Variants in RRAS observed in about 807,000 individuals in gnomAD.
The protein encoded by RRAS is ras-related protein R-Ras.
A neutral mutation model predicts 23.3 loss-of-function variants in RRAS; 18 were observed. The observed-to-expected ratio is 0.77, with a 90% CI of 0.53 to 1.15. The LOEUF (loss-of-function observed/expected upper bound fraction) is 1.15, where lower values mean the gene tolerates loss of function less well. RRAS is among the 50% of genes most tolerant of loss of function. The pLI, the probability that RRAS is intolerant of heterozygous loss-of-function variation, is 0.00. For synonymous variants in RRAS, 133 were observed against 138.3 expected (o/e 0.96, Z 0.27); for missense variants, 291 against 317.1 (o/e 0.92, Z 0.62).
In RRAS at chr19:49,635,317, TC is replaced by T. The variant is rs1260760305; in HGVS notation, c.*258del. 3.1e-6 allele frequency: 1 copy of T among 319,858 alleles called. No homozygotes were observed. The allele number at this position is 319,858 out of a possible 1,614,324, so 19.8% of individuals were successfully genotyped here. A position where few individuals can be genotyped will look rare whatever the true frequency, so the allele number is the denominator to read the frequency against. On this transcript the variant is annotated 3_prime_UTR_variant, in exon 6 of 6. Transcript: ENST00000246792. ...TGACGTTGGCAGTGACATTTATTTT[TC>T]TGGGGGAGGGGAGTTATATACAGCA...
rs1378718251 is a variant in RRAS at position 49,636,790 on chromosome 19, C to T, written c.344+34G>A. Reference sequence around the variant, plus strand: ...GCAGAGCCCAGGTCCTCCCCACACCCACCCACTGCTCCGCCACCAGCAACC... The same window carrying T: ...GCAGAGCCCAGGTCCTCCCCACACCTACCCACTGCTCCGCCACCAGCAACC... On this transcript the variant is annotated intron_variant, in intron 3 of 5. Transcript: ENST00000246792. This position sits in a 1 kb window ranked among gnomAD's most constrained non-coding sequence, Gnocchi z 4.5. 3.7e-6 allele frequency: 6 copies of T among 1,608,702 alleles called. No homozygotes were observed. The African/African-American group carries it at 4.0e-5, about 11-fold the overall frequency.
At position 49,637,169 on chromosome 19, in the gene RRAS, G is replaced by A. The variant is rs745393814; in HGVS notation, c.154-39C>T. 1.4e-5 allele frequency: 21 copies of A among 1,504,062 alleles called. No homozygotes were observed. The Admixed American group carries it at 2.2e-4, about 15-fold the overall frequency. 93.2% of individuals were successfully genotyped at this position (1,504,062 alleles called of 1,614,324 possible). On this transcript the variant is annotated intron_variant, in intron 1 of 5. Coordinates refer to ENST00000246792, the MANE Select transcript of RRAS (RefSeq NM_006270.5). The stretch of plus-strand genomic sequence containing the variant: ...GAGAGGATAGTTACTGCAGTGCCCC[G>A]GCAGACAGGACGAAGCCCTGCCCTT...
chr19:49,638,233 C>T (rs542822719), intron 1 of RRAS, among the ~76,000 whole-genome samples: 3 of 152,258 alleles, frequency 2.0e-5, no homozygotes, highest in Non-Finnish European at 2.9e-5. Flanking sequence ...GGGTCCTGCC[C>T]GCTGCCAGCC....
Position 49,635,394 on chromosome 19 carries a change from T to C in RRAS, c.*182A>G. The C allele has an allele frequency of 2.5e-6, 1 of 405,328 alleles. No homozygotes were observed. The highest frequency in any genetic ancestry group is 4.3e-6 in the Non-Finnish European group (1 of 230,304). 25.1% of individuals were successfully genotyped at this position (405,328 alleles called of 1,614,324 possible). ...CAGGCTTAGGTGGGGACAGGAGGCG[T>C]TGGCAGAAGGCACACAGTGGCAGTA... On this transcript the variant is annotated 3_prime_UTR_variant, in exon 6 of 6. Transcript: ENST00000246792.
At position 49,635,782 on chromosome 19, in the gene RRAS, A is replaced by T. The variant is rs1239295983; in HGVS notation, c.524T>A (p.Leu175Gln). 7.1e-7 allele frequency: 1 copy of T among 1,416,576 alleles called. No individual in the cohort carries two copies. Among genetic ancestry groups the T allele is most frequent in the East Asian group, 3.4e-5 (1 of 29,090 alleles). The allele number at this position is 1,416,576 out of a possible 1,614,324, so 87.8% of individuals were successfully genotyped here. A position where few individuals can be genotyped will look rare whatever the true frequency, so the allele number is the denominator to read the frequency against. Reference sequence around the variant, plus strand: ...AAAAGCCTCGTCCACGTTGAGACGCAGTTTGGCCGAGGCCTCAAAGTAGGC... The same window carrying T: ...AAAAGCCTCGTCCACGTTGAGACGCTGTTTGGCCGAGGCCTCAAAGTAGGC... ...HVAYFEASAK[L>Q]RLNVDEAFEQ... is the part of the protein sequence containing the mutation. The change falls in exon 5 of 6, where the codon CTG becomes CAG. Residue 175 changes from leucine to glutamine, a missense_variant. Physicochemically the swap from Leu to Gln is moderately radical, Grantham distance 113 (BLOSUM62 -2). Coordinates refer to ENST00000246792, the MANE Select transcript of RRAS (RefSeq NM_006270.5).
At chr19:49,639,880 C>T (rs948275444) in intron 1 of RRAS, 66 bp downstream of exon 1, 92 of 1,423,102 alleles carry the variant, frequency 6.5e-5, no homozygotes, top group Non-Finnish European at 8.2e-5. Context: ...AAAGGGGTCT[C>T]GGGGATCCCC....
intron 1 of RRAS, among the ~76,000 whole-genome samples, chr19:49,637,455 C>T (rs1251869895): frequency 1.3e-5 from 2 of 151,856 alleles, no homozygotes; most frequent in South Asian, 2.1e-4. Flanking sequence ...TACAGGCATG[C>T]GCCACCACAC....
chr19:49,636,848 A>T lies in RRAS; in HGVS notation c.320T>A (p.Val107Glu). ...YMRAGHGFLL[V>E]FAINDRQSFN... ...CCTCTGCCGGTCGTTAATGGCGAAC[A>T]CCAGCAGGAAGCCGTGGCCAGCACG... The change falls in exon 3 of 6, where the codon GTG becomes GAG. Residue 107 changes from valine (V) to glutamate (E), a missense_variant. Coordinates refer to ENST00000246792, the MANE Select transcript of RRAS (RefSeq NM_006270.5). This position sits in a 1 kb window ranked among gnomAD's most constrained non-coding sequence, Gnocchi z 4.5. 6.2e-7 allele frequency: 1 copy of T among 1,613,242 alleles called. No homozygotes were observed. The highest frequency in any genetic ancestry group is 8.5e-7 in the Non-Finnish European group (1 of 1,179,958).
rs1448242725 is a variant in RRAS at position 49,636,706 on chromosome 19, G to C, written c.366C>G (p.Leu122=). 2.5e-6 allele frequency: 4 copies of C among 1,614,142 alleles called. No individual in the cohort carries two copies. In the South Asian group the frequency reaches 4.4e-5, roughly 18 times the overall value. The change falls in exon 4 of 6, where the codon CTC becomes CTG. Residue 122 remains leucine, a synonymous_variant. Coordinates refer to ENST00000246792, the MANE Select transcript of RRAS (RefSeq NM_006270.5). This position sits in a 1 kb window ranked among gnomAD's most constrained non-coding sequence, Gnocchi z 4.5. ...CCTTGACCCGCAGAATCTGCGTGAA[G>C]AGCTTGCCCACCTCGTTGAAACTGC... ...DRQSFNEVGK[L]FTQILRVKDR...
Position 49,640,036 on chromosome 19 carries a change from G to C in RRAS, c.63C>G (p.Pro21=). The change falls in exon 1 of 6, where the codon CCC becomes CCG. Residue 21 remains proline, a synonymous_variant. Transcript: ENST00000246792. ...RGRPRGGGPG[P]GDPPPSETHK... ...GTGTCTCGCTGGGCGGGGGGTCCCC[G>C]GGCCCAGGTCCCCCGCCCCGGGGCC... 6.5e-7 allele frequency: 1 copy of C among 1,534,642 alleles called. No individual in the cohort carries two copies. Among genetic ancestry groups the C allele is most frequent in the South Asian group, 1.2e-5 (1 of 85,042 alleles).
At chr19:49,639,865 G>T in intron 1 of RRAS, 81 bp downstream of exon 1, 2 of 1,271,410 alleles carry the variant, frequency 1.6e-6, no homozygotes, top group Admixed American at 2.3e-5. Flanking sequence ...ATGGGTCAAG[G>T]GGGAAAAGGG....
At chr19:49,639,476 T>A (rs930866550) in intron 1 of RRAS, among the ~76,000 whole-genome samples, 1 of 144,658 alleles carries the variant, frequency 6.9e-6, no homozygotes, top group African/African-American at 2.6e-5. Flanking sequence ...TCGAACGTGG[T>A]GGAATCTCAA....
chr19:49,636,184 T>C lies in RRAS; in HGVS notation c.454-332A>G, dbSNP rs992602836. On this transcript the variant is annotated intron_variant, in intron 4 of 5. Coordinates refer to ENST00000246792, the MANE Select transcript of RRAS (RefSeq NM_006270.5). This position sits in a 1 kb window ranked among gnomAD's most constrained non-coding sequence, Gnocchi z 4.5. The stretch of plus-strand genomic sequence containing the variant: ...GCCTTTGCCAGATGGATGAGTTCTG[T>C]GTGGAAATCGTTGTGGGGGAAGTGA... 1.3e-5 allele frequency among the ~76,000 whole-genome samples: 2 copies of C among 151,074 alleles called. No individual in the cohort carries two copies. Among genetic ancestry groups the C allele is most frequent in the African/African-American group, 4.9e-5 (2 of 41,010 alleles).
chr19:49,636,565 G>T lies in RRAS; in HGVS notation c.453+54C>A. The T allele has an allele frequency of 7.8e-7, 1 of 1,281,088 alleles. No individual in the cohort carries two copies. 79.4% of individuals were successfully genotyped at this position (1,281,088 alleles called of 1,614,324 possible). A position where few individuals can be genotyped will look rare whatever the true frequency, so the allele number is the denominator to read the frequency against. On this transcript the variant is annotated intron_variant, in intron 4 of 5. Transcript: ENST00000246792. The surrounding 1 kb of genome is among the most constrained non-coding windows in gnomAD (Gnocchi z 4.5). ...GATGCTGATGGGGGACAGGTGTGCT[G>T]GAAGGAGCCTCCCAGACTGAGATGG...
chr19:49,635,859 G>GTACGGGGGGT lies in RRAS; in HGVS notation c.454-8_454-7insACCCCCCGTA. On this transcript the variant is annotated splice_polypyrimidine_tract_variant and splice_region_variant and intron_variant, in intron 4 of 5. Transcript: ENST00000246792. ...AGGCTTCTGATCGGGGGACCTGGGGGTAGGGGGGACACGGGGGAGTCAGGT... is the reference window on the plus strand; with the variant it reads ...AGGCTTCTGATCGGGGGACCTGGGGGTACGGGGGGTTAGGGGGGACACGGGGGAGTCAGGT... The GTACGGGGGGT allele has an allele frequency of 9.4e-7, 1 of 1,066,396 alleles. No homozygotes were observed. The highest frequency in any genetic ancestry group is 1.4e-6 in the Non-Finnish European group (1 of 716,154). The allele number at this position is 1,066,396 out of a possible 1,614,324, so 66.1% of individuals were successfully genotyped here. A position where few individuals can be genotyped will look rare whatever the true frequency, so the allele number is the denominator to read the frequency against.
Position 49,635,861 on chromosome 19 carries a change from A to AG in RRAS, c.454-10dup. On this transcript the variant is annotated splice_polypyrimidine_tract_variant and intron_variant, in intron 4 of 5. Transcript: ENST00000246792. ...GCTTCTGATCGGGGGACCTGGGGGT[A>AG]GGGGGGACACGGGGGAGTCAGGTCC... 9.5e-6 allele frequency: 4 copies of AG among 421,840 alleles called. No homozygotes were observed. Among genetic ancestry groups the AG allele is most frequent in the Admixed American group, 3.8e-5 (1 of 26,426 alleles). The allele number at this position is 421,840 out of a possible 1,614,324, so 26.1% of individuals were successfully genotyped here.
chr19:49,635,309 T>G lies in RRAS; in HGVS notation c.*267A>C. On this transcript the variant is annotated 3_prime_UTR_variant, in exon 6 of 6. Transcript: ENST00000246792. ...GCACCTCCTGACGTTGGCAGTGACA[T>G]TTATTTTTCTGGGGGAGGGGAGTTA... 8 of 295,258 alleles carry G rather than the reference T, an allele frequency of 2.7e-5. No homozygotes were observed. Among genetic ancestry groups the G allele is most frequent in the East Asian group, 5.4e-5 (1 of 18,550 alleles). The allele number at this position is 295,258 out of a possible 1,614,324, so 18.3% of individuals were successfully genotyped here. A position where few individuals can be genotyped will look rare whatever the true frequency, so the allele number is the denominator to read the frequency against.
intron 1 of RRAS, among the ~76,000 whole-genome samples, chr19:49,637,512 T>C (rs2081002611): frequency 6.6e-6 from 1 of 151,934 alleles, no homozygotes; most frequent in African/African-American, 2.4e-5. Context: ...TCAGGCTGTG[T>C]TGGTCAGGCT....
At chr19:49,635,874 G>T in intron 4 of RRAS, 22 bp from the exon 5 acceptor site, 1 of 1,166,842 alleles carries the variant, frequency 8.6e-7, no homozygotes, top group East Asian at 2.5e-5. Context: ...GGGGACACGG[G>T]GGAGTCAGGT....
Sources: gnomAD v4.1 joint callset for allele counts (sites outside exome capture counted in the v4.1 genomes callset) on GRCh38, gnomAD v4.1.1 for gene constraint, Gnocchi (gnomAD v3.1) non-coding constraint, MANE v1.5 for transcripts, NCBI Gene and HGNC (gene_info 2026-07-23, HGNC 2026-07-21) for gene names.